CNTN1: variants seen among roughly 807,000 people sequenced by gnomAD.
CNTN1 encodes contactin 1.
CNTN1 carries 38 observed loss-of-function variants against 126.4 expected under a neutral mutation model. That is an observed-to-expected ratio of 0.30 (90% CI 0.23 to 0.39). CNTN1 has a LOEUF of 0.39. Ranked by LOEUF, CNTN1 falls within the 10% of genes least tolerant of loss-of-function variation. The pLI, the probability that CNTN1 is intolerant of heterozygous loss-of-function variation, is 1.00. For synonymous variants in CNTN1, 413 were observed against 422.6 expected (o/e 0.98, Z 0.28); for missense variants, 1,009 against 1,248.4 (o/e 0.81, Z 2.89).
intron 1 of CNTN1, among the ~76,000 whole-genome samples, chr12:40,836,377 C>A (rs1044547498): frequency 6.6e-6 from 1 of 151,042 alleles, no homozygotes. Context: ...ATGTGTATAT[C>A]ATCCTCCATA....
intron 1 of CNTN1, chr12:40,729,988 A>C (rs928355016): frequency 5.9e-5 from 9 of 152,164 alleles, no homozygotes; most frequent in African/African-American, 2.2e-4. Flanking sequence ...GACATTTTTT[A>C]TCATTTGTTT....
At chr12:41,059,637 T>C (rs1318183977) in intron 23 of CNTN1, among the ~76,000 whole-genome samples, 1 of 152,212 alleles carries the variant, frequency 6.6e-6, no homozygotes, top group African/African-American at 2.4e-5. Flanking sequence ...TGATACATAC[T>C]TTAACTGTAT....
At chr12:40,842,680 C>T (rs559548701) in intron 1 of CNTN1, among the ~76,000 whole-genome samples, 1 of 152,172 alleles carries the variant, frequency 6.6e-6, no homozygotes, top group Non-Finnish European at 1.5e-5. Flanking sequence ...TTATGGAGGG[C>T]AACAATCTGC....
At chr12:40,972,455 G>A (rs1947546771) in intron 15 of CNTN1, 1 of 982,046 alleles carries the variant, frequency 1.0e-6, no homozygotes, top group African/African-American at 1.8e-5. Context: ...TTAGGTATGA[G>A]TTTCTCTTTT....
intron 1 of CNTN1, among the ~76,000 whole-genome samples, chr12:40,757,671 G>A (rs1938666246): frequency 6.6e-6 from 1 of 152,072 alleles, no homozygotes; most frequent in Non-Finnish European, 1.5e-5. Context: ...ACCACACAAG[G>A]ATAACCTTGT....
intron 1 of CNTN1, among the ~76,000 whole-genome samples, chr12:40,743,024 G>A (rs12318461): frequency 0.023 from 3,476 of 152,140 alleles, 66 homozygotes; most frequent in African/African-American, 0.053. Flanking sequence ...ATGGGAATGC[G>A]GCGAGCAGGA....
Position 40,869,311 on chromosome 12 carries a change from G to A in CNTN1, c.-76-39046G>A, listed in dbSNP as rs1029335764. ...TTTGAGACAGGGTCTTTGTCACCCA[G>A]GCTGGAGTGCAGTGGAGCTATCACA... On this transcript the variant is annotated intron_variant, in intron 1 of 23. Coordinates refer to ENST00000551295, the MANE Select transcript of CNTN1 (RefSeq NM_001843.4). 1.1e-4 allele frequency among the ~76,000 whole-genome samples: 16 copies of A among 150,610 alleles called. 1 individual carries two copies. Among genetic ancestry groups the A allele is most frequent in the Admixed American group, 8.0e-4 (12 of 15,016 alleles).
Position 40,943,689 on chromosome 12 carries a change from G to A in CNTN1, c.1472G>A (p.Gly491Glu). The A allele has an allele frequency of 6.2e-7, 1 of 1,612,582 alleles. No homozygotes were observed. The highest frequency in any genetic ancestry group is 8.5e-7 in the Non-Finnish European group (1 of 1,179,080). ...ACATGCTTTGCAGAAAATAACAGAG[G>A]GAAAGCTAATAGCACTGGAACCCTT... is the stretch of plus-strand genomic sequence containing the variant. ...IYTCFAENNR[G>E]KANSTGTLVI... The change falls in exon 13 of 24, where the codon GGG becomes GAG. Residue 491 changes from glycine to glutamate, a missense_variant. Gly to Glu is a moderately conservative substitution (Grantham distance 98, BLOSUM62 -2). Transcript: ENST00000551295.
intron 1 of CNTN1, among the ~76,000 whole-genome samples, chr12:40,884,444 T>C (rs1943965572): frequency 6.6e-6 from 1 of 151,588 alleles, no homozygotes; most frequent in Non-Finnish European, 1.5e-5. Context: ...CATCAAATTA[T>C]TTAATCAGAA....
At chr12:40,750,619 A>C (rs1354895577) in intron 1 of CNTN1, among the ~76,000 whole-genome samples, 2 of 152,064 alleles carry the variant, frequency 1.3e-5, no homozygotes, top group Non-Finnish European at 2.9e-5. Context: ...TCTAGGCAAG[A>C]TAGTGAGACC....
intron 1 of CNTN1, among the ~76,000 whole-genome samples, chr12:40,731,658 A>G (rs1246211965): frequency 6.6e-6 from 1 of 152,018 alleles, no homozygotes; most frequent in East Asian, 1.9e-4. Context: ...CTTGTTATAG[A>G]AAGTATTGAT....
chr12:40,806,423 G>T (rs927771657), intron 1 of CNTN1, among the ~76,000 whole-genome samples: 2 of 152,038 alleles, frequency 1.3e-5, no homozygotes, highest in African/African-American at 4.8e-5. Context: ...TTGTTCTGTG[G>T]TTATGAGACC....
At chr12:40,837,401 C>T (rs1451127343) in intron 1 of CNTN1, among the ~76,000 whole-genome samples, 2 of 152,120 alleles carry the variant, frequency 1.3e-5, no homozygotes, top group Non-Finnish European at 2.9e-5. Flanking sequence ...GTGAGCAAGA[C>T]ACATCCAATG....
chr12:40,730,397 A>C (rs1164733085), intron 1 of CNTN1, among the ~76,000 whole-genome samples: 2 of 152,164 alleles, frequency 1.3e-5, no homozygotes, highest in Non-Finnish European at 2.9e-5. Flanking sequence ...AAGAGTTCTA[A>C]AGTGTCTCCA....
chr12:40,958,857 G>T (rs771702004), intron 14 of CNTN1, among the ~76,000 whole-genome samples: 1 of 151,812 alleles, frequency 6.6e-6, no homozygotes, highest in Admixed American at 6.6e-5. Context: ...AGTTTCTCTC[G>T]ATATAACCCT....
chr12:40,910,206 G>T, intron 3 of CNTN1, 101 bp downstream of exon 3: 1 of 940,486 alleles, frequency 1.1e-6, no homozygotes, highest in South Asian at 1.4e-5. Context: ...TAAGGCAAAT[G>T]GTTAATGTTA....
At chr12:40,936,732 T>C (rs758002973) in intron 9 of CNTN1, 49 bp from the exon 10 acceptor site, 3 of 1,606,480 alleles carry the variant, frequency 1.9e-6, no homozygotes, top group South Asian at 1.1e-5. Context: ...GAGATTATGA[T>C]GGATCTTGAG....
chr12:40,943,339 C>G (rs948992975), intron 12 of CNTN1, among the ~76,000 whole-genome samples: 2 of 151,912 alleles, frequency 1.3e-5, no homozygotes, highest in African/African-American at 2.4e-5. Context: ...TTCAGCCTGT[C>G]CCATAGTGGA....
intron 1 of CNTN1, among the ~76,000 whole-genome samples, chr12:40,820,502 C>G (rs987306371): frequency 8.5e-5 from 13 of 152,102 alleles, no homozygotes; most frequent in African/African-American, 2.9e-4. Context: ...GGGACTCTGA[C>G]TCTGGTGTCT....
Sources: allele counts gnomAD v4.1 joint callset (sites outside exome capture counted in the v4.1 genomes callset), GRCh38; gene constraint gnomAD v4.1.1; transcripts MANE v1.5; gene names NCBI Gene and HGNC (gene_info 2026-07-23, HGNC 2026-07-21).